The following PDCD10 variants were observed in gnomAD, a reference collection of about 807,000 sequenced individuals.
PDCD10 encodes the protein programmed cell death protein 10.
PDCD10 carries 4 observed loss-of-function variants against 29.2 expected under a neutral mutation model. The ratio of observed to expected loss-of-function variants is 0.14; its 90% confidence interval spans 0.07 to 0.31. PDCD10 has a LOEUF of 0.31. Among genes scored for constraint, PDCD10 ranks in the 10% least tolerant of loss-of-function variants. The pLI is 1.00. For synonymous variants in PDCD10, 70 were observed against 82.2 expected, an observed-to-expected ratio of 0.85 and a Z score of 0.80; for missense variants, 183 against 257.9, an observed-to-expected ratio of 0.71 and a Z score of 1.99.
At chr3:167,684,472 G>T in intron 8 of PDCD10, 83 bp from the exon 9 acceptor site, 9 of 737,666 alleles carry the variant, frequency 1.2e-5, no homozygotes, top group East Asian at 2.6e-5. Flanking sequence ...AGTAGCAATG[G>T]AATCAATTTT....
At position 167,705,990 on chromosome 3, in the gene PDCD10, T is replaced by G. The variant is rs180718783; in HGVS notation, c.97-1095A>C. Reference sequence around the variant, plus strand: ...TCTGTTTTGATAGGAACCCATTTCCTTACTTAGGTTTACACCACACTCTGA... The same window carrying G: ...TCTGTTTTGATAGGAACCCATTTCCGTACTTAGGTTTACACCACACTCTGA... On this transcript the variant is annotated intron_variant, in intron 3 of 8. Coordinates refer to ENST00000392750, the MANE Select transcript of PDCD10 (RefSeq NM_007217.4). 2.3e-3 allele frequency among the ~76,000 whole-genome samples: 346 copies of G among 152,300 alleles called. 2 individuals are homozygous for G. The highest frequency in any genetic ancestry group is 7.8e-3 in the African/African-American group (323 of 41,574).
intron 3 of PDCD10, among the ~76,000 whole-genome samples, chr3:167,712,031 A>G (rs1368215063): frequency 6.6e-6 from 1 of 152,198 alleles, no homozygotes; most frequent in East Asian, 1.9e-4. Flanking sequence ...GATCTGAAAG[A>G]AAAGGACATT....
In PDCD10 at chr3:167,731,628, C is replaced by A. The variant is rs574289336; in HGVS notation, c.-117+2586G>T. Among the ~76,000 whole-genome samples, 4 of 152,286 alleles carry A rather than the reference C, an allele frequency of 2.6e-5. 1 individual carries two copies. In the South Asian group the frequency reaches 8.3e-4, roughly 32 times the overall value. ...ATTCATTCAGCAAATATTTACTGAACCCTTACAATGTGCCAGGTACTGCGT... is the reference window on the plus strand; with the variant it reads ...ATTCATTCAGCAAATATTTACTGAAACCTTACAATGTGCCAGGTACTGCGT... On this transcript the variant is annotated intron_variant, in intron 2 of 8. Transcript: ENST00000392750.
chr3:167,714,482 T>C (rs1722816032), intron 3 of PDCD10, among the ~76,000 whole-genome samples: 2 of 151,970 alleles, frequency 1.3e-5, no homozygotes, highest in Admixed American at 6.6e-5. Context: ...GGCATCCAAA[T>C]TGGAAAGGGA....
rs750987184 is a variant in PDCD10, at chr3:167,697,075, C to G, written c.202G>C (p.Glu68Gln). ...AAGTTAACTTCCACGCTTTTTTTCT[C>G]TAAAATTTTCATAATGATGTCTTGT... is the stretch of plus-strand genomic sequence containing the variant. ...LTQDIIMKIL[E>Q]KKSVEVNFTE... The change falls in exon 5 of 9, where the codon GAG becomes CAG. Residue 68 changes from glutamate (E) to glutamine (Q), a missense_variant. Physicochemically the swap from Glu to Gln is conservative, Grantham distance 29 (BLOSUM62 2). Transcript: ENST00000392750. 1.2e-6 allele frequency: 2 copies of G among 1,611,664 alleles called. No homozygotes were observed. The highest frequency in any genetic ancestry group is 2.7e-5 in the African/African-American group (2 of 74,870).
chr3:167,727,364 T>A (rs1006506546), intron 2 of PDCD10, among the ~76,000 whole-genome samples: 5 of 151,432 alleles, frequency 3.3e-5, no homozygotes, highest in Non-Finnish European at 7.4e-5. Context: ...ACAATCCTCA[T>A]TTTTTTTTCC....
chr3:167,691,908 T>C (rs1311656532), intron 6 of PDCD10, among the ~76,000 whole-genome samples: 2 of 152,204 alleles, frequency 1.3e-5, no homozygotes, highest in African/African-American at 2.4e-5. Flanking sequence ...CACTTGTTAC[T>C]GGGTTGTTGT....
intron 8 of PDCD10, among the ~76,000 whole-genome samples, chr3:167,685,155 T>C (rs951219097): frequency 1.3e-5 from 2 of 152,054 alleles, no homozygotes; most frequent in Non-Finnish European, 2.9e-5. Context: ...CTCGCACCTG[T>C]AATCCCAGCA....
chr3:167,718,425 G>C (rs573599206), intron 3 of PDCD10, among the ~76,000 whole-genome samples: 31 of 152,138 alleles, frequency 2.0e-4, no homozygotes, highest in African/African-American at 7.5e-4. Flanking sequence ...AATTACTGGT[G>C]TTGGCTACAG....
intron 4 of PDCD10, among the ~76,000 whole-genome samples, chr3:167,702,932 T>C (rs750841001): frequency 1.3e-5 from 2 of 152,212 alleles, no homozygotes; most frequent in Non-Finnish European, 2.9e-5. Context: ...CAACAAACTT[T>C]ATCCATGGAT....
intron 2 of PDCD10, among the ~76,000 whole-genome samples, chr3:167,721,263 T>C (rs1723531097): frequency 6.6e-6 from 1 of 152,130 alleles, no homozygotes; most frequent in South Asian, 2.1e-4. Flanking sequence ...ATTCTAATTT[T>C]ACAAGTGTAA....
intron 3 of PDCD10, among the ~76,000 whole-genome samples, chr3:167,716,716 T>C (rs2108473728): frequency 6.6e-6 from 1 of 152,136 alleles, no homozygotes; most frequent in African/African-American, 2.4e-5. Flanking sequence ...ATTCAGATGC[T>C]TCTGAATGGA....
intron 2 of PDCD10, among the ~76,000 whole-genome samples, chr3:167,731,687 C>A (rs980715692): frequency 6.6e-6 from 1 of 152,118 alleles, no homozygotes; most frequent in African/African-American, 2.4e-5. Context: ...AATGAGAGGG[C>A]CCTGCTCAGG....
At chr3:167,698,364 A>G (rs540092297) in intron 4 of PDCD10, among the ~76,000 whole-genome samples, 5 of 152,172 alleles carry the variant, frequency 3.3e-5, no homozygotes, top group Non-Finnish European at 5.9e-5. Context: ...CCATGGATAT[A>G]TATTTTAAAA....
intron 2 of PDCD10, among the ~76,000 whole-genome samples, chr3:167,726,116 T>C (rs973441404): frequency 3.2e-5 from 2 of 63,160 alleles, no homozygotes; most frequent in Non-Finnish European, 5.9e-5. Flanking sequence ...AGAGTACTGT[T>C]TTTTTTTTTT....
At chr3:167,700,891 G>C (rs1041196959) in intron 4 of PDCD10, among the ~76,000 whole-genome samples, 1 of 152,142 alleles carries the variant, frequency 6.6e-6, no homozygotes. Flanking sequence ...TTTTAATACA[G>C]ATCAAAGTGC....
At chr3:167,685,050 T>C (rs1719443666) in intron 8 of PDCD10, among the ~76,000 whole-genome samples, 1 of 152,118 alleles carries the variant, frequency 6.6e-6, no homozygotes, top group African/African-American at 2.4e-5. Context: ...CTAGTCCCAC[T>C]GTGTGGCCTC....
At chr3:167,727,319 G>C (rs1478360153) in intron 2 of PDCD10, among the ~76,000 whole-genome samples, 2 of 152,146 alleles carry the variant, frequency 1.3e-5, no homozygotes, top group East Asian at 3.9e-4. Context: ...AAAGCAACTT[G>C]TTCAGGGGGA....
intron 2 of PDCD10, among the ~76,000 whole-genome samples, chr3:167,721,251 C>T (rs143159165): frequency 3.2e-4 from 48 of 152,148 alleles, no homozygotes; most frequent in African/African-American, 1.1e-3. Flanking sequence ...TAAAAAACTG[C>T]AATTCTAATT....
Sources: gnomAD v4.1 joint callset for allele counts (sites outside exome capture counted in the v4.1 genomes callset) on GRCh38, gnomAD v4.1.1 for gene constraint, MANE v1.5 for transcripts, NCBI Gene and HGNC (gene_info 2026-07-23, HGNC 2026-07-21) for gene names.